The following GABRE variants were observed in gnomAD, a reference collection of about 807,000 sequenced individuals.
GABRE encodes gamma-aminobutyric acid receptor subunit epsilon.
In GABRE, 20 loss-of-function variants were observed where a neutral mutation model predicts 31.0. That is an observed-to-expected ratio of 0.64 (90% CI 0.45 to 0.94). The LOEUF is 0.94. Ranked by LOEUF, GABRE falls within the 40% of genes least tolerant of loss-of-function variation. The pLI is 0.00. For synonymous variants in GABRE, 155 were observed against 150.6 expected (o/e 1.03, Z -0.21); for missense variants, 420 against 410.7 (o/e 1.02, Z -0.20).
At position 151,954,516 on chromosome X, in the gene GABRE, G is replaced by A. The variant is rs1392596363; in HGVS notation, c.*185C>T. On this transcript the variant is annotated 3_prime_UTR_variant, in exon 9 of 9. Transcript: ENST00000370328. ...AAATGGTCTGCTGAGAAGACTCAGT[G>A]AATGGGCCAGGTAGGGGAGAGGGGC... 1.4e-5 allele frequency: 6 copies of A among 420,674 alleles called. No homozygotes were observed. Among genetic ancestry groups the A allele is most frequent in the Non-Finnish European group, 1.7e-5 (4 of 240,212 alleles). 34.7% of individuals were successfully genotyped at this position (420,674 alleles called of 1,213,427 possible). A position where few individuals can be genotyped will look rare whatever the true frequency, so the allele number is the denominator to read the frequency against.
intron 4 of GABRE, among the ~76,000 whole-genome samples, chrX:151,961,935 G>T (rs183614601): frequency 9.0e-6 from 1 of 111,562 alleles, no homozygotes; most frequent in African/African-American, 3.3e-5. Context: ...TTGTTTTCTC[G>T]CCCAGCCTAG....
chrX:151,960,586 T>C (rs1252482356), intron 5 of GABRE, among the ~76,000 whole-genome samples: 1 of 111,526 alleles, frequency 9.0e-6, no homozygotes, highest in Non-Finnish European at 1.9e-5. Flanking sequence ...TTCAAATTGA[T>C]CCATGAGAGT....
In GABRE at chrX:151,959,877, C is replaced by T; in HGVS notation, c.746G>A (p.Gly249Glu). Residue 249 changes from glycine (G) to glutamate (E), a missense_variant, in exon 6 of 9, where the codon GGA becomes GAA. Coordinates refer to ENST00000370328, the MANE Select transcript of GABRE (RefSeq NM_004961.4). ...GATTATTTCAGTTTTGTTGCTCACTCCTGTAAAATCAAACTGGAAGAGCTT... is the reference window on the plus strand; with the variant it reads ...GATTATTTCAGTTTTGTTGCTCACTTCTGTAAAATCAAACTGGAAGAGCTT... ...SWKLFQFDFT[G>E]VSNKTEIITT... 8.3e-7 allele frequency: 1 copy of T among 1,210,949 alleles called. No homozygotes were observed. The highest frequency in any genetic ancestry group is 1.1e-6 in the Non-Finnish European group (1 of 894,913).
Position 151,959,978 on chromosome X carries a change from TGGA to T in GABRE, c.647-5_647-3del. 1 of 1,206,564 alleles carries T rather than the reference TGGA, an allele frequency of 8.3e-7. No individual in the cohort carries two copies. The highest frequency in any genetic ancestry group is 2.2e-5 in the Admixed American group (1 of 45,695). On this transcript the variant is annotated splice_polypyrimidine_tract_variant and splice_region_variant and intron_variant, in intron 5 of 8. Coordinates refer to ENST00000370328, the MANE Select transcript of GABRE (RefSeq NM_004961.4). The stretch of plus-strand genomic sequence containing the variant: ...TCATCTCATTCTCAGGATAGGAAAC[TGGA>T]AAGGAATGTGAGAAAGAGGGTCTTA...
At chrX:151,956,072 G>C (rs759562282) in intron 6 of GABRE, 22 of 414,710 alleles carry the variant, frequency 5.3e-5, no homozygotes, top group Non-Finnish European at 7.5e-5. Flanking sequence ...CTAAGCCAAG[G>C]CCAGAATCTT....
chrX:151,973,706 C>G (rs1934794009), intron 1 of GABRE, among the ~76,000 whole-genome samples: 1 of 111,721 alleles, frequency 9.0e-6, no homozygotes, highest in African/African-American at 3.3e-5. Context: ...CCCAAAAAGC[C>G]ACAAATCCAG....
In GABRE at chrX:151,954,890, C is replaced by A. The variant is rs776523398; in HGVS notation, c.1332G>T (p.Leu444=). Residue 444 remains leucine (L), a synonymous_variant, in exon 9 of 9, where the codon CTG becomes CTT. Transcript: ENST00000370328. ...AACGCTTGCACCACTCACAGCAGGC[C>A]AGCTTGGAGCAGAGGCTGCGGGGAC... is the stretch of plus-strand genomic sequence containing the variant. ...PEGPRSLCSK[L]ACCEWCKRFK... is the part of the protein sequence containing the mutation. The A allele has an allele frequency of 9.9e-6, 12 of 1,209,478 alleles. No individual in the cohort carries two copies. In the African/African-American group the frequency reaches 1.6e-4, roughly 16 times the overall value.
intron 1 of GABRE, among the ~76,000 whole-genome samples, chrX:151,972,864 C>G (rs1418482776): frequency 1.1e-5 from 1 of 88,520 alleles, no homozygotes; most frequent in Non-Finnish European, 1.9e-5. Flanking sequence ...TTGAAAAACA[C>G]TCACACATTG....
At position 151,954,469 on chromosome X, in the gene GABRE, T is replaced by G; in HGVS notation, c.*232A>C. The stretch of plus-strand genomic sequence containing the variant: ...GGATGCTCCTTGAAGAAGAGGGAGG[T>G]GGCCCATTTATTAATAATTTGAAAT... On this transcript the variant is annotated 3_prime_UTR_variant, in exon 9 of 9. Coordinates refer to ENST00000370328, the MANE Select transcript of GABRE (RefSeq NM_004961.4). 1 of 350,180 alleles carries G rather than the reference T, an allele frequency of 2.9e-6. No individual in the cohort carries two copies. The highest frequency in any genetic ancestry group is 4.9e-6 in the Non-Finnish European group (1 of 202,753). 28.9% of individuals were successfully genotyped at this position (350,180 alleles called of 1,213,427 possible).
chrX:151,971,109 T>C, intron 1 of GABRE: 1 of 830,748 alleles, frequency 1.2e-6, no homozygotes. Flanking sequence ...ACAAAAATGT[T>C]AAAGGCCATC....
intron 1 of GABRE, 78 bp downstream of exon 1, chrX:151,974,492 G>T (rs1934834937): frequency 1.5e-6 from 1 of 677,077 alleles, no homozygotes. Flanking sequence ...GGGCCGCTGG[G>T]GTCCCGGGAG....
chrX:151,954,766 C>A lies in GABRE; in HGVS notation c.1456G>T (p.Val486Phe). The A allele has an allele frequency of 8.3e-7, 1 of 1,211,191 alleles. No individual in the cohort carries two copies. Among genetic ancestry groups the A allele is most frequent in the Non-Finnish European group, 1.1e-6 (1 of 895,332 alleles). ...AAGAAGAAAGTCACTGGGAAAACAA[C>A]TCTCGAGTAGTTATCCAGGCGGTAG... is the stretch of plus-strand genomic sequence containing the variant. The part of the protein sequence containing the change: ...HVYRLDNYSR[V>F]VFPVTFFFFN... Residue 486 changes from valine (V) to phenylalanine (F), a missense_variant, in exon 9 of 9, where the codon GTT becomes TTT. Coordinates refer to ENST00000370328, the MANE Select transcript of GABRE (RefSeq NM_004961.4).
At chrX:151,972,106 G>A (rs1392943368) in intron 1 of GABRE, 4 of 750,270 alleles carry the variant, frequency 5.3e-6, no homozygotes, top group African/African-American at 4.7e-5. Flanking sequence ...GGCAAGAGAC[G>A]TTGGCATGAC....
Position 151,953,175 on chromosome X carries a change from C to T in GABRE, c.*1526G>A, listed in dbSNP as rs1197241034. ...ATTTCCCCATTTCAGATGATGGTGACAAAAAGTAGATGGAGACCCCACCCT... is the reference window on the plus strand; with the variant it reads ...ATTTCCCCATTTCAGATGATGGTGATAAAAAGTAGATGGAGACCCCACCCT... On this transcript the variant is annotated 3_prime_UTR_variant, in exon 9 of 9. Coordinates refer to ENST00000370328, the MANE Select transcript of GABRE (RefSeq NM_004961.4). The T allele has an allele frequency of 9.0e-6, 1 of 111,513 alleles. No homozygotes were observed. The highest frequency in any genetic ancestry group is 1.9e-5 in the Non-Finnish European group (1 of 53,122). The allele number at this position is 111,513 out of a possible 1,213,427, so 9.2% of individuals were successfully genotyped here.
At chrX:151,973,678 G>A (rs989171821) in intron 1 of GABRE, among the ~76,000 whole-genome samples, 1 of 111,190 alleles carries the variant, frequency 9.0e-6, no homozygotes, top group South Asian at 3.9e-4. Context: ...ACAACAAAAC[G>A]AAGCAGTCAT....
At position 151,954,960 on chromosome X, in the gene GABRE, G is replaced by T; in HGVS notation, c.1262C>A (p.Pro421Gln). Residue 421 changes from proline (P) to glutamine (Q), a missense_variant, in exon 9 of 9, where the codon CCG (proline) becomes CAG (glutamine). Pro to Gln is a moderately conservative substitution (Grantham distance 76). Coordinates refer to ENST00000370328, the MANE Select transcript of GABRE (RefSeq NM_004961.4). ...AGGGGGCTGCTGGGCTGAGCAAGAC[G>T]GGCGCTCCTCTCCATCACTTCCCTC... ...TTEGSDGEER[P>Q]SCSAQQPPSP... 8.3e-7 allele frequency: 1 copy of T among 1,207,291 alleles called. No individual in the cohort carries two copies. The highest frequency in any genetic ancestry group is 1.1e-6 in the Non-Finnish European group (1 of 893,184).
At chrX:151,965,391 G>C (rs1237978171) in intron 3 of GABRE, among the ~76,000 whole-genome samples, 2 of 111,481 alleles carry the variant, frequency 1.8e-5, no homozygotes, top group Non-Finnish European at 3.8e-5. Context: ...TATTGAATAG[G>C]AAGAAGCTAG....
chrX:151,958,188 A>C (rs1233984999), intron 6 of GABRE: 1 of 142,870 alleles, frequency 7.0e-6, no homozygotes, highest in Non-Finnish European at 1.3e-5. Flanking sequence ...CTGACCAGCA[A>C]TAATATTCCA....
intron 3 of GABRE, among the ~76,000 whole-genome samples, chrX:151,965,924 GC>G (rs1934511134): frequency 8.9e-6 from 1 of 111,953 alleles, no homozygotes; most frequent in African/African-American, 3.2e-5. Context: ...ACCCCGACCT[GC>G]CCCACCTGCC....
Sources: gnomAD v4.1 joint callset for allele counts (sites outside exome capture counted in the v4.1 genomes callset) on GRCh38, gnomAD v4.1.1 for gene constraint, MANE v1.5 for transcripts, NCBI Gene and HGNC (gene_info 2026-07-23, HGNC 2026-07-21) for gene names.